APEH: variants seen among roughly 807,000 people sequenced by gnomAD.
APEH encodes the protein acylaminoacyl-peptide hydrolase, also known as acylamino-acid-releasing enzyme.
Under a neutral mutation model 102.7 loss-of-function variants are expected in APEH, and 75 were observed. That is an observed-to-expected ratio of 0.73 (90% CI 0.61 to 0.89). The LOEUF (loss-of-function observed/expected upper bound fraction) is 0.89. Ranked by LOEUF, APEH falls within the 40% of genes least tolerant of loss-of-function variation. The pLI is 0.00. For missense variants in APEH, 863 were observed against 941.2 expected (o/e 0.92, Z 1.09); for synonymous variants, 344 against 362.7 (o/e 0.95, Z 0.59).
At chr3:49,678,420 T>C (rs917037926) in intron 11 of APEH, among the ~76,000 whole-genome samples, 1 of 151,840 alleles carries the variant, frequency 6.6e-6, no homozygotes, top group African/African-American at 2.4e-5. Context: ...TCATAGTGAG[T>C]GTTAAGTGAG....
rs1284880994 is a variant in APEH, at chr3:49,675,714, C to T, written c.293C>T (p.Pro98Leu). The T allele has an allele frequency of 2.5e-6, 4 of 1,614,026 alleles. No homozygotes were observed. The highest frequency in any genetic ancestry group is 3.4e-6 in the Non-Finnish European group (4 of 1,180,014). Residue 98 changes from proline to leucine, a missense_variant, in exon 4 of 22, where the codon CCT (proline) becomes CTT (leucine). Coordinates refer to ENST00000296456, the MANE Select transcript of APEH (RefSeq NM_001640.4). ...CACAGACTGCTGAGCAGAGAGTCTCCTTCAGGCACCATGAAAGCTGTGCTG... is the reference window on the plus strand; with the variant it reads ...CACAGACTGCTGAGCAGAGAGTCTCTTTCAGGCACCATGAAAGCTGTGCTG... ...TRGELLSRESPSGTMKAVLRK... is the reference protein window; with the variant it reads ...TRGELLSRESLSGTMKAVLRK...
chr3:49,682,780 A>C, intron 19 of APEH, 44 bp downstream of exon 19: 1 of 1,613,244 alleles, frequency 6.2e-7, no homozygotes, highest in Non-Finnish European at 8.5e-7. Context: ...CCTCTACCTC[A>C]AATTCTCATG....
chr3:49,677,430 C>T (rs1176549472), intron 10 of APEH, 143 bp from the exon 11 acceptor site: 2 of 787,180 alleles, frequency 2.5e-6, no homozygotes, highest in African/African-American at 3.4e-5. Flanking sequence ...TGGTCCAGGT[C>T]ACCAGAAAAG....
At chr3:49,674,129 A>C (rs901407891), upstream of APEH, 1 of 510,626 alleles carries the variant, frequency 2.0e-6, no homozygotes, top group Non-Finnish European at 3.4e-6. Context: ...CCCAGGACTC[A>C]GCCCACGGCC....
rs2053274706 is a variant in APEH, at chr3:49,680,622, C to T, written c.1292C>T (p.Pro431Leu). 1 of 1,613,806 alleles carries T rather than the reference C, an allele frequency of 6.2e-7. No individual in the cohort carries two copies. Among genetic ancestry groups the T allele is most frequent in the African/African-American group, 1.3e-5 (1 of 74,928 alleles). Reference sequence around the variant, plus strand: ...CAGTTTTCCACACCCAGCCTACCTCCAACCCTGGTGAGTGTCGGTGGGTCC... The same window carrying T: ...CAGTTTTCCACACCCAGCCTACCTCTAACCCTGGTGAGTGTCGGTGGGTCC... Reference protein sequence around the residue: ...VAQFSTPSLPPTLKVGFLPSA... With the variant: ...VAQFSTPSLPLTLKVGFLPSA... The change falls in exon 14 of 22, where the codon CCA becomes CTA. Residue 431 changes from proline (P) to leucine (L), a missense_variant. Coordinates refer to ENST00000296456, the MANE Select transcript of APEH (RefSeq NM_001640.4).
intron 10 of APEH, 23 bp from the exon 11 acceptor site, chr3:49,677,550 C>A: frequency 6.2e-7 from 1 of 1,608,706 alleles, no homozygotes. Flanking sequence ...CCTACTGGAC[C>A]TGACCATTGT....
intron 18 of APEH, 38 bp from the exon 19 acceptor site, chr3:49,682,508 G>A (rs371550170): frequency 1.7e-5 from 28 of 1,612,986 alleles, no homozygotes; most frequent in African/African-American, 1.1e-4. Context: ...TCAGCTGAGC[G>A]GGCAGCTGGC....
At position 49,676,072 on chromosome 3, in the gene APEH, G is replaced by A; in HGVS notation, c.459G>A (p.Leu153=). The A allele has an allele frequency of 6.2e-7, 1 of 1,614,248 alleles. No individual in the cohort carries two copies. Among genetic ancestry groups the A allele is most frequent in the Non-Finnish European group, 8.5e-7 (1 of 1,180,034 alleles). Residue 153 remains leucine, a synonymous_variant, in exon 6 of 22, where the codon CTG becomes CTA. Coordinates refer to ENST00000296456, the MANE Select transcript of APEH (RefSeq NM_001640.4). ...PVYEDDCFGC[L]SWSHSETHLL... ...TGCACCCAGACTGCTTTGGCTGCCT[G>A]TCCTGGTCGCACTCGGAGACACACT...
At chr3:49,675,503 C>T (rs2052988036) in intron 3 of APEH, 191 bp from the exon 4 acceptor site, 1 of 995,558 alleles carries the variant, frequency 1.0e-6, no homozygotes, top group Admixed American at 2.4e-5. Context: ...GACTAGAGCC[C>T]ATGGTGGCCT....
intron 15 of APEH, 105 bp downstream of exon 15, chr3:49,681,344 G>A (rs560407794): frequency 9.9e-6 from 13 of 1,312,686 alleles, no homozygotes; most frequent in Non-Finnish European, 1.3e-5. Flanking sequence ...GGTTTCTGGT[G>A]ATGACCTCTA....
intron 11 of APEH, 83 bp downstream of exon 11, chr3:49,677,716 CT>C: frequency 7.3e-7 from 1 of 1,366,708 alleles, no homozygotes; most frequent in Non-Finnish European, 1.0e-6. Context: ...CCCCGTTCTT[CT>C]TTCCTAGGTT....
At chr3:49,677,470 A>G (rs2053113500) in intron 10 of APEH, 103 bp from the exon 11 acceptor site, 3 of 1,064,132 alleles carry the variant, frequency 2.8e-6, no homozygotes, top group Non-Finnish European at 2.9e-6. Context: ...CAGTTCCCCC[A>G]TCTCCTGGGG....
At position 49,679,731 on chromosome 3, in the gene APEH, G is replaced by T; in HGVS notation, c.1210+87G>T. On this transcript the variant is annotated intron_variant, in intron 13 of 21. Coordinates refer to ENST00000296456, the MANE Select transcript of APEH (RefSeq NM_001640.4). The surrounding 1 kb of genome is among the most constrained non-coding windows in gnomAD (Gnocchi z 4.3). ...GGGGGACTGGAGCTCCAACATGTGGGGCAGTGATGGCATTCTCAGCCACTC... is the reference window on the plus strand; with the variant it reads ...GGGGGACTGGAGCTCCAACATGTGGTGCAGTGATGGCATTCTCAGCCACTC... The T allele has an allele frequency of 7.4e-7, 1 of 1,348,406 alleles. No individual in the cohort carries two copies. Among genetic ancestry groups the T allele is most frequent in the Non-Finnish European group, 1.1e-6 (1 of 946,232 alleles). 83.5% of individuals were successfully genotyped at this position (1,348,406 alleles called of 1,614,324 possible).
rs2053226360 is a variant in APEH, at chr3:49,679,544, G to A, written c.1159-49G>A. On this transcript the variant is annotated intron_variant, in intron 12 of 21. Coordinates refer to ENST00000296456, the MANE Select transcript of APEH (RefSeq NM_001640.4). This position sits in a 1 kb window ranked among gnomAD's most constrained non-coding sequence, Gnocchi z 4.3. ...GGTAGGGGAGGGACCCATAGGTAGAGGGAGTACTCTTGGATGTGGTCGCAC... is the reference window on the plus strand; with the variant it reads ...GGTAGGGGAGGGACCCATAGGTAGAAGGAGTACTCTTGGATGTGGTCGCAC... The A allele has an allele frequency of 1.2e-6, 2 of 1,600,064 alleles. No individual in the cohort carries two copies. Among genetic ancestry groups the A allele is most frequent in the South Asian group, 1.1e-5 (1 of 90,718 alleles).
At position 49,683,817 on chromosome 3, in the gene APEH, A is replaced by G; in HGVS notation, c.*475A>G. ...CATGGGCAAAAGTAGTCCCAGGGAC[A>G]TTGCCTTGGTTGGGGAAGCCCCTAG... On this transcript the variant is annotated 3_prime_UTR_variant, in exon 22 of 22. Coordinates refer to ENST00000296456, the MANE Select transcript of APEH (RefSeq NM_001640.4). 1 of 688,380 alleles carries G rather than the reference A, an allele frequency of 1.5e-6. No homozygotes were observed. The highest frequency in any genetic ancestry group is 1.8e-5 in the African/African-American group (1 of 55,494). The allele number at this position is 688,380 out of a possible 1,614,324, so 42.6% of individuals were successfully genotyped here.
chr3:49,677,377 T>C (rs1332478454), intron 10 of APEH, among the ~76,000 whole-genome samples, 196 bp from the exon 11 acceptor site: 1 of 152,102 alleles, frequency 6.6e-6, no homozygotes, highest in Non-Finnish European at 1.5e-5. Context: ...GGGCCCCTGG[T>C]AAAAGTCAGA....
Position 49,675,973 on chromosome 3 carries a change from C to T in APEH, c.442+7C>T, listed in dbSNP as rs775236047. On this transcript the variant is annotated splice_region_variant and intron_variant, in intron 5 of 21. Coordinates refer to ENST00000296456, the MANE Select transcript of APEH (RefSeq NM_001640.4). ...GGGCCTGTTTATGAGGATGGTGAGG[C>T]ATCTGGCTGGTGAGCAGGCAGGGTG... 5 of 1,614,212 alleles carry T rather than the reference C, an allele frequency of 3.1e-6. No individual in the cohort carries two copies. The Admixed American group carries it at 8.3e-5, about 27-fold the overall frequency.
chr3:49,674,180 GCT>G (rs2052900958), upstream of APEH: 2 of 596,916 alleles, frequency 3.4e-6, no homozygotes, highest in African/African-American at 2.0e-5. Flanking sequence ...CGAGACCCCT[GCT>G]CTCACCCACC....
chr3:49,683,145 C>A lies in APEH; in HGVS notation c.2092C>A (p.Arg698=), dbSNP rs747166973. 9.3e-6 allele frequency: 15 copies of A among 1,613,870 alleles called. No homozygotes were observed. The highest frequency in any genetic ancestry group is 1.3e-5 in the African/African-American group (1 of 75,016). Residue 698 remains arginine, a splice_region_variant and synonymous_variant, in exon 21 of 22, where the codon CGG becomes AGG. Transcript: ENST00000296456. ...CCTCAAGACCCGGAATGTGCCTGTT[C>A]GGTGAGTGCAGCATGAAGGCCCTGG... ...RALKTRNVPV[R]LLLYPKSTHA...
Sources: gnomAD v4.1 joint callset for allele counts (sites outside exome capture counted in the v4.1 genomes callset) on GRCh38, gnomAD v4.1.1 for gene constraint, Gnocchi (gnomAD v3.1) non-coding constraint, MANE v1.5 for transcripts, NCBI Gene and HGNC (gene_info 2026-07-23, HGNC 2026-07-21) for gene names.